Variants in RIN2 observed in about 807,000 individuals in gnomAD.
RIN2 encodes the protein Ras and Rab interactor 2, also known as RAB5 interacting protein 2.
A neutral mutation model predicts 78.0 loss-of-function variants in RIN2; 36 were observed. The observed-to-expected ratio is 0.46, with a 90% CI of 0.35 to 0.61. RIN2 has a LOEUF of 0.61. RIN2 is among the 20% of genes least tolerant of loss of function. RIN2 has a pLI of 0.00. For missense variants in RIN2, 1,087 were observed against 1,159.7 expected (o/e 0.94, Z 0.91); for synonymous variants, 466 against 466.8 (o/e 1.00, Z 0.02).
chr20:19,886,697 A>G (rs1268976613), intron 2 of RIN2: 1 of 1,541,708 alleles, frequency 6.5e-7, no homozygotes, highest in Non-Finnish European at 8.7e-7. Context: ...TCAAGAATCC[A>G]CTTTACCCTT....
At chr20:19,845,484 G>A (rs1164359497) in intron 2 of RIN2, among the ~76,000 whole-genome samples, 1 of 152,066 alleles carries the variant, frequency 6.6e-6, no homozygotes, top group African/African-American at 2.4e-5. Flanking sequence ...CTTATGACCA[G>A]TGATGATGAG....
chr20:19,957,340 C>T (rs2041584321), intron 5 of RIN2, among the ~76,000 whole-genome samples: 1 of 152,214 alleles, frequency 6.6e-6, no homozygotes, highest in East Asian at 1.9e-4. Context: ...AGACCACTGT[C>T]CGTCCCATCC....
At chr20:19,987,633 C>T (rs542153348) in intron 9 of RIN2, among the ~76,000 whole-genome samples, 96 of 152,210 alleles carry the variant, frequency 6.3e-4, no homozygotes, top group Admixed American at 3.7e-3. Context: ...GAGGCTGGCC[C>T]ATCTGAGCAC....
intron 5 of RIN2, among the ~76,000 whole-genome samples, chr20:19,957,931 G>C (rs1001620719): frequency 2.0e-5 from 3 of 152,176 alleles, no homozygotes; most frequent in Non-Finnish European, 4.4e-5. Flanking sequence ...ACTTCCAAAG[G>C]ATAAATACAA....
At chr20:19,985,812 G>A (rs1023090270) in intron 9 of RIN2, among the ~76,000 whole-genome samples, 1 of 152,218 alleles carries the variant, frequency 6.6e-6, no homozygotes. Flanking sequence ...CGTGCTTGTG[G>A]ATGAATACAG....
Position 19,924,716 on chromosome 20 carries a change from CTTTTTTTTTTTTTTTTTTTTTTT to C in RIN2, c.58-10365_58-10343del, listed in dbSNP as rs869199855. Among the ~76,000 whole-genome samples the C allele has an allele frequency of 7.3e-4, 8 of 10,984 alleles. 1 individual carries two copies. The highest frequency in any genetic ancestry group is 5.0e-3 in the South Asian group (1 of 202). 7.2% of individuals were successfully genotyped at this position (10,984 alleles called of 152,430 possible). ...ACCTCTTCGTTTCATATCCCCACCTCTTTTTTTTTTTTTTTTTTTTTTTTTTTTTTTTTTTTTTTTGAGACGGA... is the reference window on the plus strand; with the variant it reads ...ACCTCTTCGTTTCATATCCCCACCTCTTTTTTTTTTTTTTTTTGAGACGGA... On this transcript the variant is annotated intron_variant, in intron 3 of 12. Transcript: ENST00000255006.
At chr20:19,912,045 G>A (rs1425178109) in intron 3 of RIN2, among the ~76,000 whole-genome samples, 1 of 152,146 alleles carries the variant, frequency 6.6e-6, no homozygotes, top group Non-Finnish European at 1.5e-5. Context: ...GACTCCTGTG[G>A]CCTCTTCTAC....
chr20:19,772,063 G>A (rs1267476455), intron 1 of RIN2, among the ~76,000 whole-genome samples: 2 of 152,114 alleles, frequency 1.3e-5, no homozygotes, highest in African/African-American at 4.8e-5. Flanking sequence ...TCTCAGTTAT[G>A]CAGTCCACCC....
chr20:19,782,232 T>C (rs1241684161), intron 1 of RIN2, among the ~76,000 whole-genome samples: 1 of 152,212 alleles, frequency 6.6e-6, no homozygotes, highest in Non-Finnish European at 1.5e-5. Flanking sequence ...CCTTGCCATA[T>C]GCGTAGCACC....
chr20:19,889,068 G>C (rs1203522586), intron 2 of RIN2: 3 of 915,588 alleles, frequency 3.3e-6, no homozygotes, highest in South Asian at 1.0e-4. Flanking sequence ...GGGAAAAATA[G>C]AGCAATTTCT....
intron 2 of RIN2, among the ~76,000 whole-genome samples, chr20:19,812,275 C>A (rs1038924697): frequency 2.6e-5 from 4 of 152,092 alleles, no homozygotes; most frequent in African/African-American, 9.7e-5. Flanking sequence ...ATGTTTATTT[C>A]TTTAAGAAAC....
At chr20:19,932,227 G>A (rs991099422) in intron 3 of RIN2, among the ~76,000 whole-genome samples, 1 of 152,182 alleles carries the variant, frequency 6.6e-6, no homozygotes, top group Non-Finnish European at 1.5e-5. Flanking sequence ...AAAAGAATGA[G>A]CTTGGCCGAT....
intron 2 of RIN2, among the ~76,000 whole-genome samples, chr20:19,817,481 T>A (rs2035799497): frequency 6.6e-6 from 1 of 151,486 alleles, no homozygotes; most frequent in South Asian, 2.1e-4. Context: ...ACTATTGCAA[T>A]GGGGATTCGG....
intron 3 of RIN2, among the ~76,000 whole-genome samples, chr20:19,892,922 T>C (rs1012074907): frequency 5.9e-5 from 9 of 152,172 alleles, no homozygotes; most frequent in African/African-American, 2.2e-4. Flanking sequence ...TTTATTTCAG[T>C]TCTCACCTAT....
At chr20:19,792,374 C>T (rs2034915738) in intron 1 of RIN2, among the ~76,000 whole-genome samples, 2 of 152,206 alleles carry the variant, frequency 1.3e-5, no homozygotes, top group African/African-American at 4.8e-5. Context: ...CTCATAGTGT[C>T]ATTTCTCGTG....
chr20:19,885,195 CT>C (rs2038142305), intron 2 of RIN2, among the ~76,000 whole-genome samples: 1 of 151,962 alleles, frequency 6.6e-6, no homozygotes, highest in Non-Finnish European at 1.5e-5. Context: ...TGGGTTTGCA[CT>C]TGTGACCTAA....
chr20:19,893,261 C>T (rs746873637), intron 3 of RIN2, among the ~76,000 whole-genome samples: 12 of 152,144 alleles, frequency 7.9e-5, no homozygotes, highest in Admixed American at 2.6e-4. Flanking sequence ...TACCGCAACG[C>T]ACTTCTCAGC....
intron 6 of RIN2, among the ~76,000 whole-genome samples, chr20:19,964,643 C>G (rs577525200): frequency 6.6e-6 from 1 of 152,084 alleles, no homozygotes; most frequent in South Asian, 2.1e-4. Context: ...CAGACTGGCC[C>G]CTTGTCCCCT....
intron 2 of RIN2, chr20:19,886,664 C>A: frequency 9.2e-6 from 10 of 1,087,648 alleles, no homozygotes; most frequent in Middle Eastern, 2.1e-4. Flanking sequence ...GAAACATCTA[C>A]TGGACATGTT....
Sources: gnomAD v4.1 joint callset for allele counts (sites outside exome capture counted in the v4.1 genomes callset) on GRCh38, gnomAD v4.1.1 for gene constraint, MANE v1.5 for transcripts, NCBI Gene and HGNC (gene_info 2026-07-23, HGNC 2026-07-21) for gene names.